Variants in SH3GL2 observed in about 807,000 individuals in gnomAD.
SH3GL2 encodes the protein SH3 domain containing GRB2 like 2, endophilin A1.
SH3GL2 carries 24 observed loss-of-function variants against 46.0 expected under a neutral mutation model. The ratio of observed to expected loss-of-function variants is 0.52; its 90% CI spans 0.38 to 0.73. The LOEUF (loss-of-function observed/expected upper bound fraction) is 0.73. SH3GL2 is among the 30% of genes least tolerant of loss of function. The probability of loss-of-function intolerance (pLI) is 0.00; values close to 1 mark genes in which losing one functional copy is unlikely to be tolerated. For synonymous variants in SH3GL2, 196 were observed against 147.1 expected, an observed-to-expected ratio of 1.33 and a Z score of -2.40; for missense variants, 413 against 424.2, an observed-to-expected ratio of 0.97 and a Z score of 0.23.
At chr9:17,733,543 A>G (rs534370377) in intron 1 of SH3GL2, among the ~76,000 whole-genome samples, 3 of 150,704 alleles carry the variant, frequency 2.0e-5, no homozygotes, top group African/African-American at 7.3e-5. Context: ...TAGTTCAACC[A>G]TTGTGGAAGT....
chr9:17,656,309 C>T (rs1262332659), intron 1 of SH3GL2, among the ~76,000 whole-genome samples: 2 of 151,956 alleles, frequency 1.3e-5, no homozygotes, highest in African/African-American at 4.8e-5. Context: ...ATATAATATT[C>T]TTCAGAAGAT....
chr9:17,782,198 T>C (rs571156979), intron 3 of SH3GL2, among the ~76,000 whole-genome samples: 1 of 152,184 alleles, frequency 6.6e-6, no homozygotes, highest in Middle Eastern at 3.2e-3. Context: ...AACCTCCTTA[T>C]TGATTTTAAT....
chr9:17,695,290 C>A (rs988464994), intron 1 of SH3GL2, among the ~76,000 whole-genome samples: 5 of 152,046 alleles, frequency 3.3e-5, no homozygotes, highest in Non-Finnish European at 5.9e-5. Flanking sequence ...ATGACAGGTA[C>A]ATGTGGAAGC....
intron 1 of SH3GL2, among the ~76,000 whole-genome samples, chr9:17,677,771 C>T (rs1053843702): frequency 8.6e-5 from 13 of 151,806 alleles, no homozygotes; most frequent in Non-Finnish European, 1.5e-4. Flanking sequence ...TAATGCTATC[C>T]CTCCTACCTC....
chr9:17,585,212 GCAGGACA>G (rs1379100238), intron 1 of SH3GL2, among the ~76,000 whole-genome samples: 1 of 152,164 alleles, frequency 6.6e-6, no homozygotes, highest in Non-Finnish European at 1.5e-5. Context: ...CGAGAGAAGG[GCAGGACA>G]CACTGACAAA....
intron 1 of SH3GL2, among the ~76,000 whole-genome samples, chr9:17,614,304 A>G (rs1028002442): frequency 2.0e-5 from 3 of 149,534 alleles, no homozygotes; most frequent in African/African-American, 4.9e-5. Flanking sequence ...TGAAAAAAAA[A>G]AAAAAAAAAA....
chr9:17,791,251 C>G lies in SH3GL2; in HGVS notation c.645C>G (p.Leu215=), dbSNP rs771663544. 8.7e-6 allele frequency: 14 copies of G among 1,613,354 alleles called. No homozygotes were observed. The highest frequency in any genetic ancestry group is 1.7e-4 in the Middle Eastern group (1 of 6,052). The change falls in exon 7 of 9, where the codon CTC becomes CTG. Residue 215 remains leucine (L), a synonymous_variant. Transcript: ENST00000380607. ...LEMDIEQVSQ[L]SALVQAQLEY... is the part of the protein sequence containing the mutation. ...TGCAGATTGAACAAGTGAGCCAGCT[C>G]TCTGCACTTGTGCAAGCTCAGCTGG...
At chr9:17,793,601 G>T in intron 8 of SH3GL2, 104 bp downstream of exon 8, 2 of 1,069,510 alleles carry the variant, frequency 1.9e-6, no homozygotes, top group Non-Finnish European at 2.8e-6. Flanking sequence ...TAGGAAATAT[G>T]CAGTAATACA....
chr9:17,763,134 T>C (rs3808673), intron 3 of SH3GL2, among the ~76,000 whole-genome samples: 61,704 of 152,016 alleles, frequency 0.41, 14,258 homozygotes, highest in East Asian at 0.85. Context: ...TTTTTCTCCA[T>C]ATAAAGTAAA....
chr9:17,650,482 C>T (rs1361549015), intron 1 of SH3GL2, among the ~76,000 whole-genome samples: 1 of 152,120 alleles, frequency 6.6e-6, no homozygotes, highest in Non-Finnish European at 1.5e-5. Flanking sequence ...AGCGATTCTC[C>T]TGCCTCAGCC....
intron 1 of SH3GL2, among the ~76,000 whole-genome samples, chr9:17,667,687 C>T (rs953335252): frequency 6.6e-6 from 1 of 152,056 alleles, no homozygotes. Context: ...GTGGAACTAT[C>T]GAGTCATATG....
chr9:17,789,289 C>T (rs1824054479), intron 5 of SH3GL2, 103 bp from the exon 6 acceptor site: 3 of 892,814 alleles, frequency 3.4e-6, no homozygotes, highest in Non-Finnish European at 5.3e-6. Context: ...TAAAACTTAG[C>T]CTATCTTAAT....
chr9:17,672,890 C>T (rs368643362), intron 1 of SH3GL2, among the ~76,000 whole-genome samples: 5 of 152,162 alleles, frequency 3.3e-5, no homozygotes, highest in African/African-American at 4.8e-5. Context: ...ATTAGATTTT[C>T]GTACATTCAT....
intron 1 of SH3GL2, among the ~76,000 whole-genome samples, chr9:17,595,182 C>T (rs1392572173): frequency 1.3e-5 from 2 of 152,114 alleles, no homozygotes; most frequent in African/African-American, 4.8e-5. Context: ...GGTTTCAGAG[C>T]CAGTAACTGC....
intron 1 of SH3GL2, among the ~76,000 whole-genome samples, chr9:17,644,870 A>T (rs1008283523): frequency 2.6e-5 from 4 of 151,884 alleles, no homozygotes; most frequent in Non-Finnish European, 4.4e-5. Context: ...TCAAGTCGTG[A>T]ATATCCTTGT....
intron 1 of SH3GL2, among the ~76,000 whole-genome samples, chr9:17,704,524 C>T (rs943601026): frequency 6.6e-6 from 1 of 152,048 alleles, no homozygotes; most frequent in African/African-American, 2.4e-5. Flanking sequence ...CATTACCTGA[C>T]TTCAAATTAT....
chr9:17,586,916 C>T (rs980241650), intron 1 of SH3GL2, among the ~76,000 whole-genome samples: 20 of 152,170 alleles, frequency 1.3e-4, no homozygotes, highest in African/African-American at 4.1e-4. Flanking sequence ...TTTAAACGTA[C>T]AGGAAATCGG....
chr9:17,735,335 A>G (rs1305758823), intron 1 of SH3GL2, among the ~76,000 whole-genome samples: 1 of 152,120 alleles, frequency 6.6e-6, no homozygotes, highest in Non-Finnish European at 1.5e-5. Context: ...AGTTTAATGT[A>G]TGAGTATAAG....
intron 1 of SH3GL2, among the ~76,000 whole-genome samples, chr9:17,592,405 A>G (rs1818501840): frequency 6.6e-6 from 1 of 152,228 alleles, no homozygotes; most frequent in Non-Finnish European, 1.5e-5. Context: ...AAGTTGACAC[A>G]TAAAATTAAT....
Sources: gnomAD v4.1 joint callset for allele counts (sites outside exome capture counted in the v4.1 genomes callset) on GRCh38, gnomAD v4.1.1 for gene constraint, MANE v1.5 for transcripts, NCBI Gene and HGNC (gene_info 2026-07-23, HGNC 2026-07-21) for gene names.